The following CCDC102B variants were observed in gnomAD, a reference collection of about 807,000 sequenced individuals.
CCDC102B encodes coiled-coil domain containing 102B.
Under a neutral mutation model 57.4 loss-of-function variants are expected in CCDC102B, and 75 were observed. The ratio of observed to expected loss-of-function variants is 1.31; its 90% CI spans 1.08 to 1.58. The LOEUF (loss-of-function observed/expected upper bound fraction) is 1.58, where lower values mean the gene tolerates loss of function less well. Among genes scored for constraint, CCDC102B ranks in the 40% most tolerant of loss-of-function variants. The pLI is 0.00. For missense variants in CCDC102B, 636 were observed against 582.6 expected, an observed-to-expected ratio of 1.09 and a Z score of -0.94; for synonymous variants, 206 against 201.9, an observed-to-expected ratio of 1.02 and a Z score of -0.17.
chr18:68,792,655 CT>C (rs1261018229), intron 2 of CCDC102B, among the ~76,000 whole-genome samples: 1 of 152,122 alleles, frequency 6.6e-6, no homozygotes, highest in East Asian at 1.9e-4. Context: ...CAGGTTACAT[CT>C]TTTTTACACA....
rs931182756 is a variant in CCDC102B at position 68,867,851 on chromosome 18, A to G, written c.937-6818A>G. On this transcript the variant is annotated intron_variant, in intron 4 of 7. Transcript: ENST00000360242. The stretch of plus-strand genomic sequence containing the variant: ...CGACAGGCTGAGGCAGGAGAATGAC[A>G]TGAACCCGGGAGGCGGAGCTTGCAG... Among the ~76,000 whole-genome samples, 25 of 152,030 alleles carry G rather than the reference A, an allele frequency of 1.6e-4. No individual in the cohort carries two copies. The East Asian group carries it at 4.1e-3, about 25-fold the overall frequency.
chr18:68,857,197 TTATATAA>T lies in CCDC102B; in HGVS notation c.936+10784_936+10790del, dbSNP rs1175878198. ...TATATAAAAATATATTTATATATTT[TTATATAA>T]TATATAAAAATATATTTATATATTT... On this transcript the variant is annotated intron_variant, in intron 4 of 7. Coordinates refer to ENST00000360242, the MANE Select transcript of CCDC102B (RefSeq NM_024781.3). 1.3e-4 allele frequency among the ~76,000 whole-genome samples: 8 copies of T among 59,638 alleles called. No homozygotes were observed. The South Asian group carries it at 3.1e-3, about 23-fold the overall frequency. 39.1% of individuals were successfully genotyped at this position (59,638 alleles called of 152,430 possible). A position where few individuals can be genotyped will look rare whatever the true frequency, so the allele number is the denominator to read the frequency against.
chr18:68,763,784 G>GACAAATATTCATCAATA (rs1599425588), intron 2 of CCDC102B, among the ~76,000 whole-genome samples: 1 of 148,052 alleles, frequency 6.8e-6, no homozygotes, highest in African/African-American at 2.5e-5. Flanking sequence ...CCTCAATACA[G>GACAAATATTCATCAATA]CAGTAGAACC....
chr18:68,810,684 T>TATTTTTTTA (rs35870815), intron 1 of CCDC102B, among the ~76,000 whole-genome samples: 1 of 34,976 alleles, frequency 2.9e-5, no homozygotes, highest in African/African-American at 9.3e-5. Context: ...TTCTTTGTTT[T>TATTTTTTTA]TTTTTTTTTT....
At chr18:69,027,411 T>C (rs116495047) in intron 7 of CCDC102B, among the ~76,000 whole-genome samples, 1,907 of 152,306 alleles carry the variant, frequency 0.013, 45 homozygotes, top group African/African-American at 0.043. Flanking sequence ...TATATATATA[T>C]ACACACACAT....
At chr18:69,004,991 A>G (rs767268475) in intron 6 of CCDC102B, among the ~76,000 whole-genome samples, 19 of 152,212 alleles carry the variant, frequency 1.2e-4, no homozygotes, top group Non-Finnish European at 2.6e-4. Context: ...TTTATGAATA[A>G]CATTGAATTT....
intron 7 of CCDC102B, among the ~76,000 whole-genome samples, chr18:69,017,117 C>T (rs748513798): frequency 1.5e-4 from 23 of 151,616 alleles, no homozygotes; most frequent in Non-Finnish European, 3.2e-4. Context: ...TATTTATTTA[C>T]TTATTTGTTT....
chr18:68,982,310 G>A (rs991906574), intron 6 of CCDC102B, among the ~76,000 whole-genome samples: 5 of 151,874 alleles, frequency 3.3e-5, no homozygotes, highest in Non-Finnish European at 5.9e-5. Context: ...ATGAATATAT[G>A]TGTGGATATA....
At chr18:68,924,521 T>C (rs1443477127) in intron 6 of CCDC102B, among the ~76,000 whole-genome samples, 1 of 152,082 alleles carries the variant, frequency 6.6e-6, no homozygotes, top group Non-Finnish European at 1.5e-5. Context: ...CTTTATAAAT[T>C]ACCCAGTCTC....
chr18:68,873,599 A>G (rs1013787901), intron 4 of CCDC102B, among the ~76,000 whole-genome samples: 38 of 152,080 alleles, frequency 2.5e-4, no homozygotes, highest in African/African-American at 8.9e-4. Flanking sequence ...GGATAATGAT[A>G]AGAATACCTA....
intron 2 of CCDC102B, among the ~76,000 whole-genome samples, chr18:68,723,748 A>G (rs979090058): frequency 6.6e-6 from 1 of 152,144 alleles, no homozygotes; most frequent in Non-Finnish European, 1.5e-5. Flanking sequence ...GGCTGCTTTC[A>G]CAGGCTGGTG....
intron 2 of CCDC102B, among the ~76,000 whole-genome samples, chr18:68,751,051 A>C (rs1428744964): frequency 6.6e-6 from 1 of 152,220 alleles, no homozygotes; most frequent in East Asian, 1.9e-4. Flanking sequence ...AAATTAGGTC[A>C]AAATAATCTA....
chr18:68,777,743 G>A (rs982447286), intron 2 of CCDC102B, among the ~76,000 whole-genome samples: 1 of 152,044 alleles, frequency 6.6e-6, no homozygotes, highest in East Asian at 1.9e-4. Context: ...AGAGTAACTC[G>A]AAGAGAGTCT....
chr18:68,729,921 G>T (rs919813872), intron 2 of CCDC102B, among the ~76,000 whole-genome samples: 1 of 152,170 alleles, frequency 6.6e-6, no homozygotes. Context: ...GCACCTAACA[G>T]TGGGCAAAAC....
intron 2 of CCDC102B, among the ~76,000 whole-genome samples, chr18:68,776,660 G>A (rs1691868720): frequency 6.6e-6 from 1 of 152,128 alleles, no homozygotes; most frequent in African/African-American, 2.4e-5. Flanking sequence ...TGGCCTGTCA[G>A]AGGGTGGAGA....
rs150973853 is a variant in CCDC102B at position 68,776,404 on chromosome 18, G to T, written c.-66-46962G>T. Among the ~76,000 whole-genome samples, 522 of 152,176 alleles carry T rather than the reference G, an allele frequency of 3.4e-3. 7 individuals are homozygous for T. Among genetic ancestry groups the T allele is most frequent in the African/African-American group, 0.012 (498 of 41,510 alleles). On this transcript the variant is annotated intron_variant, in intron 2 of 3. Coordinates refer to the CCDC102B transcript ENST00000578970. The stretch of plus-strand genomic sequence containing the variant: ...GCACTCTTCACAATAACAAAGACAC[G>T]GAATCAACCTAAATGTCCATGAATA...
intron 2 of CCDC102B, among the ~76,000 whole-genome samples, chr18:68,838,220 C>G (rs1054028408): frequency 6.6e-6 from 1 of 152,116 alleles, no homozygotes; most frequent in East Asian, 1.9e-4. Flanking sequence ...AGATGTGACT[C>G]ATGAATTAAA....
chr18:68,952,873 A>C (rs890759400), intron 6 of CCDC102B, among the ~76,000 whole-genome samples: 5 of 152,170 alleles, frequency 3.3e-5, no homozygotes, highest in African/African-American at 4.8e-5. Context: ...ATGAATCAAC[A>C]ATTCAGTACT....
At chr18:68,891,047 T>G (rs538518813) in intron 5 of CCDC102B, among the ~76,000 whole-genome samples, 23 of 152,330 alleles carry the variant, frequency 1.5e-4, no homozygotes, top group African/African-American at 5.5e-4. Flanking sequence ...TCTAATGTGA[T>G]TGTCCCTTTT....
Sources: allele counts gnomAD v4.1 joint callset (sites outside exome capture counted in the v4.1 genomes callset), GRCh38; gene constraint gnomAD v4.1.1; transcripts MANE v1.5; gene names NCBI Gene and HGNC (gene_info 2026-07-23, HGNC 2026-07-21).